Variants in BLTP3A observed in about 807,000 individuals in gnomAD.
BLTP3A encodes ICBP90 binding protein 1.
chr6:34,859,416 T>C, the BLTP3A span: 1 of 1,614,148 alleles, frequency 6.2e-7, no homozygotes. Context: ...AATTGTCAAG[T>C]GCTATTCACA....
chr6:34,822,991 G>T, the BLTP3A span, among the ~76,000 whole-genome samples: 2 of 152,116 alleles, frequency 1.3e-5, no homozygotes, highest in South Asian at 4.1e-4. Flanking sequence ...ACTTGGATTT[G>T]TGTTTTATCT....
At chr6:34,839,303 G>A in the BLTP3A span, among the ~76,000 whole-genome samples, 1 of 151,240 alleles carries the variant, frequency 6.6e-6, no homozygotes, top group Non-Finnish European at 1.5e-5. Flanking sequence ...ACCCGGGTGT[G>A]GTATAGGGGC....
the BLTP3A span, among the ~76,000 whole-genome samples, chr6:34,852,344 G>T: frequency 5.9e-5 from 9 of 152,134 alleles, no homozygotes; most frequent in Non-Finnish European, 1.2e-4. Context: ...AGCAGGCGAT[G>T]AATCCTTCCA....
chr6:34,848,161 T>A, the BLTP3A span, among the ~76,000 whole-genome samples: 2 of 150,198 alleles, frequency 1.3e-5, no homozygotes, highest in South Asian at 4.2e-4. Flanking sequence ...ACTCAAGGGA[T>A]CTGCCTGCCT....
the BLTP3A span, among the ~76,000 whole-genome samples, chr6:34,797,034 A>C: frequency 6.6e-6 from 1 of 152,200 alleles, no homozygotes; most frequent in Non-Finnish European, 1.5e-5. Context: ...TGTAAAAGAT[A>C]AGGAGGAAGA....
chr6:34,858,364 T>C, the BLTP3A span: 28 of 1,614,184 alleles, frequency 1.7e-5, no homozygotes, highest in Non-Finnish European at 2.4e-5. Flanking sequence ...GCATCATGCC[T>C]TTCAGATGGA....
chr6:34,846,665 GGA>G, the BLTP3A span, among the ~76,000 whole-genome samples: 7 of 152,016 alleles, frequency 4.6e-5, no homozygotes, highest in African/African-American at 7.3e-5. Flanking sequence ...GTTTTTTGGT[GGA>G]GTCTTTAGAT....
the BLTP3A span, among the ~76,000 whole-genome samples, chr6:34,827,803 T>A: frequency 2.6e-5 from 4 of 152,108 alleles, no homozygotes; most frequent in African/African-American, 9.7e-5. Flanking sequence ...GGCTAATTTT[T>A]GTATTTTTAG....
At chr6:34,845,941 C>T in the BLTP3A span, among the ~76,000 whole-genome samples, 2 of 152,056 alleles carry the variant, frequency 1.3e-5, no homozygotes, top group Non-Finnish European at 2.9e-5. Context: ...CTATGTCACC[C>T]AGTCTGGAGT....
chr6:34,843,390 TAATC>T, the BLTP3A span, among the ~76,000 whole-genome samples: 1 of 152,240 alleles, frequency 6.6e-6, no homozygotes, highest in Non-Finnish European at 1.5e-5. Context: ...ATCATTAAGT[TAATC>T]AAGTGCTGAA....
chr6:34,829,027 C>CAAAAAAAAAAA, the BLTP3A span, among the ~76,000 whole-genome samples: 22 of 50,716 alleles, frequency 4.3e-4, no homozygotes, highest in African/African-American at 9.3e-4. Context: ...AACTCCATCT[C>CAAAAAAAAAAA]AAAAAAAAAA....
chr6:34,873,318 C>G, the BLTP3A span: 3 of 152,476 alleles, frequency 2.0e-5, no homozygotes, highest in Non-Finnish European at 4.4e-5. Context: ...TGCTGAGTGG[C>G]TCTTCTGTCT....
the BLTP3A span, chr6:34,875,353 T>G: frequency 1.7e-4 from 26 of 152,316 alleles, no homozygotes; most frequent in East Asian, 4.2e-3. Context: ...GAAGGAGATC[T>G]GGTAGCTGGA....
the BLTP3A span, chr6:34,823,285 A>C: frequency 6.2e-7 from 1 of 1,614,152 alleles, no homozygotes; most frequent in Admixed American, 1.7e-5. Flanking sequence ...GTGGAGATGA[A>C]GACATGTGAG....
chr6:34,797,564 TC>T, the BLTP3A span, among the ~76,000 whole-genome samples: 1 of 152,192 alleles, frequency 6.6e-6, no homozygotes, highest in Admixed American at 6.5e-5. Context: ...AGTCACAACT[TC>T]CAGTCATGTT....
the BLTP3A span, among the ~76,000 whole-genome samples, chr6:34,839,465 G>C: frequency 1.3e-5 from 2 of 152,180 alleles, no homozygotes; most frequent in Non-Finnish European, 2.9e-5. Flanking sequence ...CTGGACACTT[G>C]AAATGTGGCT....
chr6:34,870,785 T>C, the BLTP3A span: 1 of 1,532,006 alleles, frequency 6.5e-7, no homozygotes, highest in Non-Finnish European at 8.8e-7. Flanking sequence ...TTATGAATAT[T>C]GGTATATAAG....
the BLTP3A span, among the ~76,000 whole-genome samples, chr6:34,822,694 A>G: frequency 2.6e-5 from 4 of 151,950 alleles, no homozygotes; most frequent in Admixed American, 6.6e-5. Context: ...CATCTCTACT[A>G]AAAATACAAA....
chr6:34,796,917 A>G, the BLTP3A span, among the ~76,000 whole-genome samples: 4 of 152,144 alleles, frequency 2.6e-5, no homozygotes, highest in Non-Finnish European at 5.9e-5. Context: ...GTTGGCCAGG[A>G]TCGTCTTGAT....
Sources: gnomAD v4.1 joint callset for allele counts (sites outside exome capture counted in the v4.1 genomes callset) on GRCh38, gnomAD v4.1.1 for gene constraint, MANE v1.5 for transcripts, NCBI Gene and HGNC (gene_info 2026-07-23, HGNC 2026-07-21) for gene names.